PARD3B: variants seen among roughly 807,000 people sequenced by gnomAD.
The protein encoded by PARD3B is par-3 family cell polarity regulator beta, also known as partitioning defective 3 homolog B.
PARD3B carries 103 observed loss-of-function variants against 130.2 expected under a neutral mutation model. That is an observed-to-expected ratio of 0.79 (90% CI 0.67 to 0.93). PARD3B has a LOEUF of 0.93. PARD3B is among the 40% of genes least tolerant of loss of function. The pLI, the probability that PARD3B is intolerant of heterozygous loss-of-function variation, is 0.00. For synonymous variants in PARD3B, 583 were observed against 553.2 expected, an observed-to-expected ratio of 1.05 and a Z score of -0.76; for missense variants, 1,609 against 1,499.2, an observed-to-expected ratio of 1.07 and a Z score of -1.21.
In PARD3B at chr2:205,441,931, A is replaced by G. The variant is rs78435066; in HGVS notation, c.3044+1259A>G. Reference sequence around the variant, plus strand: ...ATTTTTATGACTGTGATATAGCCATAATAACTAAACTGCTAATTCAAAGAA... The same window carrying G: ...ATTTTTATGACTGTGATATAGCCATGATAACTAAACTGCTAATTCAAAGAA... On this transcript the variant is annotated intron_variant, in intron 20 of 22. Transcript: ENST00000406610. Among the ~76,000 whole-genome samples the G allele has an allele frequency of 1.2e-4, 18 of 152,316 alleles. No individual in the cohort carries two copies. The East Asian group carries it at 3.5e-3, about 29-fold the overall frequency.
intron 2 of PARD3B, among the ~76,000 whole-genome samples, chr2:204,775,033 A>G (rs941508763): frequency 2.0e-5 from 3 of 152,130 alleles, no homozygotes; most frequent in Non-Finnish European, 2.9e-5. Flanking sequence ...CAGAATGGGT[A>G]ATTTCCTTTC....
chr2:205,047,589 C>G lies in PARD3B; in HGVS notation c.403C>G (p.Leu135Val), dbSNP rs1325038571. Residue 135 changes from leucine to valine, a missense_variant, in exon 4 of 23, where the codon CTG (leucine) becomes GTG (valine). Coordinates refer to ENST00000406610, the MANE Select transcript of PARD3B (RefSeq NM_001302769.2). ...TPSALKLGTP[L>V]LVRRSSDPVP... is the part of the protein sequence containing the mutation. ...CTCACTTTGTCTTCCAGGCACTCCA[C>G]TGCTGGTGAGGAGAAGCAGTGACCC... 2 of 1,549,360 alleles carry G rather than the reference C, an allele frequency of 1.3e-6. No homozygotes were observed. The highest frequency in any genetic ancestry group is 1.2e-5 in the South Asian group (1 of 83,946).
chr2:205,179,475 C>T (rs1001047942), intron 13 of PARD3B, among the ~76,000 whole-genome samples: 2 of 152,150 alleles, frequency 1.3e-5, no homozygotes, highest in African/African-American at 4.8e-5. Flanking sequence ...GCAGGTGTAC[C>T]AATTTTTATC....
At chr2:204,563,257 C>CTCTCTCTCTCTCTCTCTCTCTCTCTT (rs1553542030) in intron 1 of PARD3B, among the ~76,000 whole-genome samples, 4 of 142,672 alleles carry the variant, frequency 2.8e-5, no homozygotes, top group African/African-American at 1.1e-4. Flanking sequence ...CTCTCTCTCT[C>CTCTCTCTCTCTCTCTCTCTCTCTCTT]TCTCTCTCTT....
chr2:205,255,647 G>A (rs1242443854), intron 16 of PARD3B, among the ~76,000 whole-genome samples: 16 of 152,102 alleles, frequency 1.1e-4, no homozygotes, highest in Admixed American at 1.0e-3. Flanking sequence ...ATATTCTAGA[G>A]TAGCTCACAG....
intron 16 of PARD3B, among the ~76,000 whole-genome samples, chr2:205,273,855 A>C (rs1214263308): frequency 1.3e-5 from 2 of 152,162 alleles, no homozygotes; most frequent in African/African-American, 4.8e-5. Flanking sequence ...TACTTTTGTA[A>C]GTTATCTATG....
In PARD3B at chr2:205,325,953, T is replaced by A. The variant is rs2042925829; in HGVS notation, c.2630+24252T>A. On this transcript the variant is annotated intron_variant, in intron 18 of 22. Transcript: ENST00000406610. This position sits in a 1 kb window ranked among gnomAD's most constrained non-coding sequence, Gnocchi z 4.1. ...AGACTTCATTGCCTGTGTATCTTAA[T>A]GTGAATATCATGTACTGTTTTATCA... Among the ~76,000 whole-genome samples the A allele has an allele frequency of 6.6e-6, 1 of 152,182 alleles. No individual in the cohort carries two copies. The highest frequency in any genetic ancestry group is 2.1e-4 in the South Asian group (1 of 4,824).
At chr2:205,382,131 A>G (rs573178545) in intron 18 of PARD3B, among the ~76,000 whole-genome samples, 1 of 152,178 alleles carries the variant, frequency 6.6e-6, no homozygotes, top group Non-Finnish European at 1.5e-5. Flanking sequence ...CAGTTTTTCC[A>G]TTAATGTCCT....
intron 2 of PARD3B, among the ~76,000 whole-genome samples, chr2:204,815,503 G>A (rs565928586): frequency 6.6e-6 from 1 of 151,908 alleles, no homozygotes; most frequent in African/African-American, 2.4e-5. Flanking sequence ...TTTATTTTCT[G>A]TATTATTTCT....
Position 205,440,604 on chromosome 2 carries a change from A to G in PARD3B, c.2976A>G (p.Glu992=). Residue 992 remains glutamate, a synonymous_variant, in exon 20 of 23, where the codon GAA becomes GAG. Coordinates refer to ENST00000406610, the MANE Select transcript of PARD3B (RefSeq NM_001302769.2). The surrounding 1 kb of genome is among the most constrained non-coding windows in gnomAD (Gnocchi z 4.2). ...YPRDGHPLSP[E]RDHLEGLYAK... The stretch of plus-strand genomic sequence containing the variant: ...GGGATGGCCATCCACTGTCTCCAGA[A>G]AGAGACCACTTAGAGGGTCTCTATG... 2.5e-6 allele frequency: 4 copies of G among 1,614,016 alleles called. No homozygotes were observed. Among genetic ancestry groups the G allele is most frequent in the Non-Finnish European group, 3.4e-6 (4 of 1,179,916 alleles).
intron 2 of PARD3B, among the ~76,000 whole-genome samples, chr2:204,883,541 G>A (rs1431503169): frequency 6.9e-6 from 1 of 145,434 alleles, no homozygotes; most frequent in African/African-American, 2.6e-5. Context: ...TCTGCCTCCC[G>A]GGTTCAAGCA....
At chr2:204,829,977 C>T (rs1042029045) in intron 2 of PARD3B, among the ~76,000 whole-genome samples, 23 of 120,536 alleles carry the variant, frequency 1.9e-4, no homozygotes, top group East Asian at 7.6e-4. Context: ...CCAGCCTGGG[C>T]GACAGAGCGA....
rs868831852 is a variant in PARD3B at position 204,710,378 on chromosome 2, C to T, written c.222+24096C>T. 1.1e-4 allele frequency among the ~76,000 whole-genome samples: 17 copies of T among 152,290 alleles called. No homozygotes were observed. In the Middle Eastern group the frequency reaches 0.014, roughly 122 times the overall value. On this transcript the variant is annotated intron_variant, in intron 2 of 22. Transcript: ENST00000406610. ...ACAGATCTCCAGAACATGCAGTGAT[C>T]CCTTGATGTCTGTTAAAGTACGTTT...
intron 3 of PARD3B, among the ~76,000 whole-genome samples, chr2:205,001,134 G>A (rs755323013): frequency 2.0e-5 from 3 of 152,042 alleles, no homozygotes; most frequent in Non-Finnish European, 4.4e-5. Flanking sequence ...GATTACAGGT[G>A]CCTGCAACCA....
intron 1 of PARD3B, among the ~76,000 whole-genome samples, chr2:204,668,490 C>G (rs1233049007): frequency 6.6e-6 from 1 of 152,136 alleles, no homozygotes; most frequent in East Asian, 1.9e-4. Context: ...TTTGACTCAA[C>G]GTTTCCTGAA....
chr2:204,788,538 A>C (rs944141176), intron 2 of PARD3B, among the ~76,000 whole-genome samples: 4 of 152,186 alleles, frequency 2.6e-5, no homozygotes, highest in African/African-American at 9.7e-5. Context: ...TTTAGTTCAA[A>C]TAACTTTAAC....
chr2:204,788,151 T>G (rs1276608091), intron 2 of PARD3B, among the ~76,000 whole-genome samples: 4 of 152,242 alleles, frequency 2.6e-5, no homozygotes, highest in Admixed American at 1.3e-4. Context: ...CTGGATGTAC[T>G]GGGACAGTAG....
At chr2:205,532,477 G>T (rs1012384317) in intron 21 of PARD3B, among the ~76,000 whole-genome samples, 1 of 152,106 alleles carries the variant, frequency 6.6e-6, no homozygotes, top group Non-Finnish European at 1.5e-5. Flanking sequence ...ATTGTTATTG[G>T]CAGTGCTTGG....
intron 6 of PARD3B, among the ~76,000 whole-genome samples, chr2:205,117,462 G>A (rs1195952153): frequency 6.6e-6 from 1 of 152,182 alleles, no homozygotes; most frequent in Non-Finnish European, 1.5e-5. Flanking sequence ...GAGGTCTTGA[G>A]ATGATGGGAG....
Sources: allele counts gnomAD v4.1 joint callset (sites outside exome capture counted in the v4.1 genomes callset), GRCh38; gene constraint gnomAD v4.1.1; non-coding constraint Gnocchi (gnomAD v3.1); transcripts MANE v1.5; gene names NCBI Gene and HGNC (gene_info 2026-07-23, HGNC 2026-07-21).